The following CALD1 variants were observed in gnomAD, a reference collection of about 807,000 sequenced individuals.
CALD1 encodes the protein caldesmon.
A neutral mutation model predicts 99.9 loss-of-function variants in CALD1; 33 were observed. That is an observed-to-expected ratio of 0.33 (90% CI 0.25 to 0.44). The LOEUF is 0.44. Among genes scored for constraint, CALD1 ranks in the 20% least tolerant of loss-of-function variants. The probability of loss-of-function intolerance (pLI) is 1.00; values close to 1 mark genes in which losing one functional copy is unlikely to be tolerated. For missense variants in CALD1, 861 were observed against 962.1 expected (o/e 0.89, Z 1.39); for synonymous variants, 310 against 325.0 (o/e 0.95, Z 0.50).
intron 1 of CALD1, among the ~76,000 whole-genome samples, chr7:134,758,501 GGT>G (rs59389296): frequency 0.1 from 15,094 of 145,018 alleles, 888 homozygotes; most frequent in African/African-American, 0.16. Context: ...CTCCCATTGG[GGT>G]GTGTGTGTGT....
At chr7:134,962,366 T>C (rs1326591531) in intron 13 of CALD1, 7 of 91,986 alleles carry the variant, frequency 7.6e-5, no homozygotes, top group East Asian at 3.0e-4. Context: ...GACAGCCTCC[T>C]AAAAAAAAAA....
intron 6 of CALD1, among the ~76,000 whole-genome samples, chr7:134,938,126 T>G (rs1806138683): frequency 6.6e-6 from 1 of 152,280 alleles, no homozygotes; most frequent in Non-Finnish European, 1.5e-5. Context: ...TGGACCAAAC[T>G]TGCAGTAGTA....
chr7:134,883,612 G>C (rs1013899195), intron 3 of CALD1, among the ~76,000 whole-genome samples: 3 of 152,086 alleles, frequency 2.0e-5, no homozygotes, highest in Admixed American at 1.3e-4. Context: ...AAGTAAAATA[G>C]CATCTTAAAA....
intron 2 of CALD1, among the ~76,000 whole-genome samples, chr7:134,856,224 T>G (rs1407362888): frequency 6.6e-6 from 1 of 152,180 alleles, no homozygotes; most frequent in Non-Finnish European, 1.5e-5. Context: ...GCAGGCAGAG[T>G]GAGCTTCTGC....
intron 5 of CALD1, among the ~76,000 whole-genome samples, chr7:134,935,112 T>C (rs1805859051): frequency 6.6e-6 from 1 of 152,148 alleles, no homozygotes; most frequent in Non-Finnish European, 1.5e-5. Flanking sequence ...TGCTTCTTTA[T>C]TATCTGGGTG....
intron 4 of CALD1, among the ~76,000 whole-genome samples, chr7:134,930,131 T>C (rs917184145): frequency 1.4e-4 from 22 of 152,184 alleles, no homozygotes; most frequent in African/African-American, 3.6e-4. Flanking sequence ...TTTAATGTGA[T>C]TATTCAAACA....
In CALD1 at chr7:134,959,174, TTTTTTA is replaced by T. The variant is rs538371373; in HGVS notation, c.2062-782_2062-777del. On this transcript the variant is annotated intron_variant, in intron 11 of 14. Transcript: ENST00000361675. ...GTCTTGTTTTTTGTTTGTTTTTTTG[TTTTTTA>T]TTTTTATTTTTATTTTTGAGATGGA... Among the ~76,000 whole-genome samples, 6 of 151,982 alleles carry T rather than the reference TTTTTTA, an allele frequency of 3.9e-5. No homozygotes were observed. In the South Asian group the frequency reaches 6.2e-4, roughly 16 times the overall value.
At chr7:134,814,714 AAGAAGGTC>A (rs547778404) in intron 1 of CALD1, among the ~76,000 whole-genome samples, 162 of 152,280 alleles carry the variant, frequency 1.1e-3, no homozygotes, top group African/African-American at 2.6e-3. Flanking sequence ...CTGTATCCAG[AAGAAGGTC>A]AGATAAAGAG....
the CALD1 span, among the ~76,000 whole-genome samples, chr7:134,725,387 C>T: frequency 2.0e-5 from 3 of 152,176 alleles, no homozygotes. Flanking sequence ...AACGAAGTGT[C>T]ACTTTGTCTG....
In CALD1 at chr7:134,968,634, A is replaced by G. The variant is rs1470193215; in HGVS notation, c.*289A>G. The G allele has an allele frequency of 1.1e-5, 7 of 640,320 alleles. No homozygotes were observed. In the East Asian group the frequency reaches 2.2e-4, roughly 20 times the overall value. 39.7% of individuals were successfully genotyped at this position (640,320 alleles called of 1,614,324 possible). A position where few individuals can be genotyped will look rare whatever the true frequency, so the allele number is the denominator to read the frequency against. On this transcript the variant is annotated 3_prime_UTR_variant, in exon 15 of 15. Transcript: ENST00000361675. ...CATAACTCTGTATCTGAGCAGTGAT[A>G]CCAACCACATCTGAAGTCAACAGAA... is the stretch of plus-strand genomic sequence containing the variant.
the CALD1 span, among the ~76,000 whole-genome samples, chr7:134,726,256 T>G: frequency 6.7e-6 from 1 of 149,920 alleles, no homozygotes; most frequent in African/African-American, 2.4e-5. Flanking sequence ...CAGAAAAGAC[T>G]CAGATAATAC....
At chr7:134,766,150 T>TC (rs1796824841) in intron 1 of CALD1, among the ~76,000 whole-genome samples, 2 of 127,714 alleles carry the variant, frequency 1.6e-5, no homozygotes, top group African/African-American at 3.1e-5. Flanking sequence ...TCTTTTTTTT[T>TC]TTTTTTTTTT....
intron 1 of CALD1, among the ~76,000 whole-genome samples, chr7:134,803,563 A>G (rs1487183850): frequency 2.0e-5 from 3 of 152,186 alleles, no homozygotes; most frequent in Admixed American, 1.3e-4. Flanking sequence ...ATGGTGTCAG[A>G]TAGCAGTTGA....
chr7:134,822,133 C>T (rs1798808859), intron 1 of CALD1: 1 of 152,198 alleles, frequency 6.6e-6, no homozygotes, highest in Admixed American at 6.5e-5. Flanking sequence ...TCACCCAATT[C>T]TTGGAGACAG....
chr7:134,798,069 A>C (rs1291598723), intron 1 of CALD1, among the ~76,000 whole-genome samples: 4 of 152,240 alleles, frequency 2.6e-5, no homozygotes. Flanking sequence ...CATTATTATT[A>C]ATGAAAGTCC....
chr7:134,850,662 CT>C (rs754591519), intron 2 of CALD1, among the ~76,000 whole-genome samples: 9 of 152,310 alleles, frequency 5.9e-5, no homozygotes, highest in Non-Finnish European at 8.8e-5. Flanking sequence ...CTCACAGTGC[CT>C]AACATGGCAC....
chr7:134,934,288 A>C (rs545049372), intron 5 of CALD1, among the ~76,000 whole-genome samples: 1 of 152,320 alleles, frequency 6.6e-6, no homozygotes, highest in African/African-American at 2.4e-5. Context: ...TGGGACAGCC[A>C]GTAAATTTGG....
At chr7:134,795,611 C>T (rs2131805254) in intron 1 of CALD1, among the ~76,000 whole-genome samples, 1 of 151,812 alleles carries the variant, frequency 6.6e-6, no homozygotes, top group African/African-American at 2.4e-5. Context: ...CCCTTCCTTC[C>T]CCCTCCTCCT....
chr7:134,847,730 CT>C (rs2132194778), intron 2 of CALD1, among the ~76,000 whole-genome samples: 1 of 152,314 alleles, frequency 6.6e-6, no homozygotes, highest in African/African-American at 2.4e-5. Flanking sequence ...GAAAACACAC[CT>C]TTCTGCCTGG....
Sources: allele counts gnomAD v4.1 joint callset (sites outside exome capture counted in the v4.1 genomes callset), GRCh38; gene constraint gnomAD v4.1.1; transcripts MANE v1.5; gene names NCBI Gene and HGNC (gene_info 2026-07-23, HGNC 2026-07-21).